The following HS3ST4 variants were observed in gnomAD, a reference collection of about 807,000 sequenced individuals.
HS3ST4 encodes the protein heparan sulfate-glucosamine 3-sulfotransferase 4, also known as heparan sulfate glucosamine 3-O-sulfotransferase 4.
HS3ST4 carries 17 observed loss-of-function variants against 29.2 expected under a neutral mutation model. The ratio of observed to expected loss-of-function variants is 0.58; its 90% CI spans 0.40 to 0.87. HS3ST4 has a LOEUF of 0.87. Ranked by LOEUF, HS3ST4 falls within the 40% of genes least tolerant of loss-of-function variation. The probability of loss-of-function intolerance (pLI) is 0.00; values close to 1 mark genes in which losing one functional copy is unlikely to be tolerated. For synonymous variants in HS3ST4, 314 were observed against 285.7 expected (o/e 1.10, Z -1.00); for missense variants, 627 against 634.5 (o/e 0.99, Z 0.13).
chr16:25,895,242 G>A (rs1486534041), intron 1 of HS3ST4, among the ~76,000 whole-genome samples: 1 of 152,136 alleles, frequency 6.6e-6, no homozygotes, highest in Admixed American at 6.5e-5. Context: ...GGGAGAACAA[G>A]GTGATGTGAG....
chr16:25,764,500 T>C (rs1488369826), intron 1 of HS3ST4, among the ~76,000 whole-genome samples: 1 of 152,172 alleles, frequency 6.6e-6, no homozygotes, highest in Non-Finnish European at 1.5e-5. Context: ...TGCACCCGCA[T>C]GTGTATGTGC....
chr16:25,898,929 A>G (rs1312200293), intron 1 of HS3ST4, among the ~76,000 whole-genome samples: 1 of 152,164 alleles, frequency 6.6e-6, no homozygotes, highest in East Asian at 1.9e-4. Context: ...TGCCTCCTAA[A>G]ATGCTCTCCT....
At chr16:25,873,324 T>A (rs77556129) in intron 1 of HS3ST4, among the ~76,000 whole-genome samples, 12,446 of 49,416 alleles carry the variant, frequency 0.25, 610 homozygotes, top group African/African-American at 0.29. Flanking sequence ...CCATCCATCC[T>A]TCCTTCCTTC....
chr16:25,841,784 G>C lies in HS3ST4; in HGVS notation c.734+148633G>C, dbSNP rs1361677087. Among the ~76,000 whole-genome samples, 4 of 152,222 alleles carry C rather than the reference G, an allele frequency of 2.6e-5. No individual in the cohort carries two copies. The East Asian group carries it at 7.7e-4, about 29-fold the overall frequency. Reference sequence around the variant, plus strand: ...TGGGAACTAGAACCTGCGTCTGTGGGTGGTGTGGAGACTATTGCTTCAATA... The same window carrying C: ...TGGGAACTAGAACCTGCGTCTGTGGCTGGTGTGGAGACTATTGCTTCAATA... On this transcript the variant is annotated intron_variant, in intron 1 of 1. Transcript: ENST00000331351.
intron 1 of HS3ST4, among the ~76,000 whole-genome samples, chr16:25,910,849 G>A (rs1352399245): frequency 3.9e-5 from 6 of 152,026 alleles, no homozygotes; most frequent in African/African-American, 1.2e-4. Flanking sequence ...GGCACAGCAG[G>A]AGGTCAGACG....
intron 1 of HS3ST4, among the ~76,000 whole-genome samples, chr16:26,048,514 C>A (rs1268572798): frequency 6.6e-6 from 1 of 152,206 alleles, no homozygotes; most frequent in African/African-American, 2.4e-5. Flanking sequence ...TAGGACACAG[C>A]ATTCAACAAC....
intron 1 of HS3ST4, among the ~76,000 whole-genome samples, chr16:25,846,631 G>C (rs942970885): frequency 2.0e-5 from 3 of 151,822 alleles, no homozygotes; most frequent in Non-Finnish European, 4.4e-5. Context: ...CATCTTGAAG[G>C]CAGTGAATTC....
chr16:26,101,215 TC>T (rs34977086), intron 1 of HS3ST4, among the ~76,000 whole-genome samples: 28,203 of 152,172 alleles, frequency 0.19, 3,281 homozygotes, highest in South Asian at 0.29. Flanking sequence ...CCATCTCCAA[TC>T]CATTTCACCC....
chr16:26,081,415 A>G (rs189934038), intron 1 of HS3ST4, among the ~76,000 whole-genome samples: 3 of 152,338 alleles, frequency 2.0e-5, no homozygotes, highest in Admixed American at 2.0e-4. Context: ...ACAGATATTT[A>G]CTGAGAATCT....
At chr16:25,991,431 A>G (rs1343713697) in intron 1 of HS3ST4, among the ~76,000 whole-genome samples, 1 of 152,168 alleles carries the variant, frequency 6.6e-6, no homozygotes, top group African/African-American at 2.4e-5. Context: ...TGTGAGCCAA[A>G]TATTTCTGTC....
chr16:26,101,090 G>A (rs770682340), intron 1 of HS3ST4, among the ~76,000 whole-genome samples: 9 of 152,186 alleles, frequency 5.9e-5, no homozygotes, highest in Non-Finnish European at 8.8e-5. Flanking sequence ...TCCAGTTGGT[G>A]TCTCCAACCT....
chr16:26,036,824 A>T (rs1029937545), intron 1 of HS3ST4, among the ~76,000 whole-genome samples: 1 of 152,218 alleles, frequency 6.6e-6, no homozygotes, highest in Non-Finnish European at 1.5e-5. Context: ...AACAAAAGGA[A>T]AGCCTTAAAA....
chr16:25,705,640 G>A (rs568102608), intron 1 of HS3ST4, among the ~76,000 whole-genome samples: 38 of 152,146 alleles, frequency 2.5e-4, no homozygotes, highest in African/African-American at 9.2e-4. Context: ...CTCCAGCCTG[G>A]TGATGAAGCC....
chr16:26,006,221 C>A lies in HS3ST4; in HGVS notation c.735-129391C>A, dbSNP rs558994871. On this transcript the variant is annotated intron_variant, in intron 1 of 1. Transcript: ENST00000331351. ...GGCTGAGGCAGGAGAATTGCTTGAA[C>A]CCAGGAGGCAGAGGTTGCAGTGAGG... Among the ~76,000 whole-genome samples, 60 of 148,964 alleles carry A rather than the reference C, an allele frequency of 4.0e-4. 1 individual carries two copies. The highest frequency in any genetic ancestry group is 1.5e-3 in the African/African-American group (59 of 40,142).
chr16:25,863,229 G>T (rs1372409120), intron 1 of HS3ST4, among the ~76,000 whole-genome samples: 1 of 152,046 alleles, frequency 6.6e-6, no homozygotes, highest in African/African-American at 2.4e-5. Context: ...GACTACAGGG[G>T]TGCACCACCA....
intron 1 of HS3ST4, among the ~76,000 whole-genome samples, chr16:26,061,925 G>T (rs1898480590): frequency 6.6e-6 from 1 of 152,036 alleles, no homozygotes; most frequent in Non-Finnish European, 1.5e-5. Context: ...TCTCCTTCTG[G>T]CTCCTATAAA....
intron 1 of HS3ST4, among the ~76,000 whole-genome samples, chr16:25,884,303 C>G (rs529066882): frequency 1.9e-4 from 29 of 152,244 alleles, no homozygotes; most frequent in Non-Finnish European, 1.0e-4. Context: ...TCCCTCAGAT[C>G]TTTTAAGGCT....
At chr16:25,769,280 G>A (rs1391471387) in intron 1 of HS3ST4, among the ~76,000 whole-genome samples, 1 of 152,108 alleles carries the variant, frequency 6.6e-6, no homozygotes, top group Non-Finnish European at 1.5e-5. Flanking sequence ...GTGTGTCTGT[G>A]TGTGTGTGCC....
At chr16:25,832,018 A>T (rs1967307446) in intron 1 of HS3ST4, among the ~76,000 whole-genome samples, 1 of 152,042 alleles carries the variant, frequency 6.6e-6, no homozygotes, top group African/African-American at 2.4e-5. Context: ...AGATAGGAGG[A>T]TCACTTGGAC....
Sources: gnomAD v4.1 joint callset for allele counts (sites outside exome capture counted in the v4.1 genomes callset) on GRCh38, gnomAD v4.1.1 for gene constraint, MANE v1.5 for transcripts, NCBI Gene and HGNC (gene_info 2026-07-23, HGNC 2026-07-21) for gene names.